Variants in MCTP1 observed in about 807,000 individuals in gnomAD.
MCTP1 encodes multiple C2 and transmembrane domain-containing protein 1.
MCTP1 carries 69 observed loss-of-function variants against 120.6 expected under a neutral mutation model. The ratio of observed to expected loss-of-function variants is 0.57; its 90% CI spans 0.47 to 0.70. The LOEUF is 0.70. Ranked by LOEUF, MCTP1 falls within the 30% of genes least tolerant of loss-of-function variation. The pLI is 0.00. For synonymous variants in MCTP1, 529 were observed against 493.1 expected, an observed-to-expected ratio of 1.07 and a Z score of -0.96; for missense variants, 1,203 against 1,248.8, an observed-to-expected ratio of 0.96 and a Z score of 0.55.
chr5:94,777,400 C>A (rs1580633175), intron 19 of MCTP1, among the ~76,000 whole-genome samples: 1 of 152,116 alleles, frequency 6.6e-6, no homozygotes, highest in African/African-American at 2.4e-5. Context: ...AACATCCTCT[C>A]CATTAAAAAT....
chr5:95,012,917 T>C (rs1458888972), intron 2 of MCTP1, among the ~76,000 whole-genome samples: 3 of 152,072 alleles, frequency 2.0e-5, no homozygotes, highest in African/African-American at 7.2e-5. Context: ...AAGCTAGAAA[T>C]GATTAAACTT....
chr5:95,049,928 A>C (rs1198842847), intron 1 of MCTP1, among the ~76,000 whole-genome samples: 1 of 152,178 alleles, frequency 6.6e-6, no homozygotes, highest in Non-Finnish European at 1.5e-5. Context: ...AAAAATACTC[A>C]AGATCAAAAT....
At chr5:95,055,652 A>T (rs1366804810) in intron 1 of MCTP1, among the ~76,000 whole-genome samples, 1 of 152,138 alleles carries the variant, frequency 6.6e-6, no homozygotes, top group Non-Finnish European at 1.5e-5. Flanking sequence ...TGCTCCTAAG[A>T]AGTAATGTGG....
At position 95,101,842 on chromosome 5, in the gene MCTP1, A is replaced by G. The variant is rs73776186; in HGVS notation, c.721-84358T>C. ...AACTAAGGAAACTCCTTTCAAAGAC[A>G]AAATAAAGAGCTTCAGTGCTTTCCA... is the stretch of plus-strand genomic sequence containing the variant. On this transcript the variant is annotated intron_variant, in intron 1 of 22. Transcript: ENST00000515393. Among the ~76,000 whole-genome samples, 1,182 of 152,332 alleles carry G rather than the reference A, an allele frequency of 7.8e-3. 15 individuals are homozygous for G. Among genetic ancestry groups the G allele is most frequent in the African/African-American group, 0.027 (1,138 of 41,578 alleles).
At chr5:95,018,473 A>G (rs1296194022) in intron 1 of MCTP1, among the ~76,000 whole-genome samples, 1 of 151,188 alleles carries the variant, frequency 6.6e-6, no homozygotes, top group Non-Finnish European at 1.5e-5. Context: ...TATATAATTC[A>G]CATACCCTAC....
chr5:94,733,288 G>A (rs557409891), intron 19 of MCTP1, among the ~76,000 whole-genome samples: 145 of 152,276 alleles, frequency 9.5e-4, no homozygotes, highest in Admixed American at 1.9e-3. Flanking sequence ...GCTAGAAGGT[G>A]GACATCAAAA....
chr5:94,901,880 T>C (rs955676397), intron 10 of MCTP1, among the ~76,000 whole-genome samples: 19 of 152,174 alleles, frequency 1.2e-4, no homozygotes, highest in Non-Finnish European at 4.4e-5. Context: ...TTAGAACTAT[T>C]TGCAATTATT....
At chr5:94,970,421 A>G (rs1826550715) in intron 2 of MCTP1, among the ~76,000 whole-genome samples, 1 of 152,062 alleles carries the variant, frequency 6.6e-6, no homozygotes, top group South Asian at 2.1e-4. Context: ...TCTGACATAA[A>G]CAGCAGGTGG....
chr5:94,865,458 A>T (rs1474131986), intron 17 of MCTP1, among the ~76,000 whole-genome samples: 3 of 151,784 alleles, frequency 2.0e-5, no homozygotes, highest in African/African-American at 4.8e-5. Context: ...TGGCATTTAT[A>T]AAAAAGTGGG....
At chr5:95,096,492 TA>T (rs1756276128) in intron 1 of MCTP1, among the ~76,000 whole-genome samples, 2 of 151,882 alleles carry the variant, frequency 1.3e-5, no homozygotes, top group Admixed American at 1.3e-4. Flanking sequence ...GGCTGAGTCT[TA>T]AAAGTAGTGA....
intron 2 of MCTP1, among the ~76,000 whole-genome samples, chr5:94,998,840 T>G (rs1833104073): frequency 1.3e-5 from 2 of 152,190 alleles, no homozygotes; most frequent in African/African-American, 4.8e-5. Context: ...TGCTTGACTT[T>G]CTCCATAAAT....
chr5:95,070,269 A>G (rs1306060525), intron 1 of MCTP1, among the ~76,000 whole-genome samples: 2 of 152,240 alleles, frequency 1.3e-5, no homozygotes, highest in Non-Finnish European at 2.9e-5. Flanking sequence ...CTGAGGAAGG[A>G]GCAGGAGCTG....
At chr5:95,056,680 C>T (rs1041803973) in intron 1 of MCTP1, among the ~76,000 whole-genome samples, 1 of 152,104 alleles carries the variant, frequency 6.6e-6, no homozygotes, top group African/African-American at 2.4e-5. Context: ...TGTGGAATAG[C>T]GGACTCACTG....
chr5:95,246,217 A>G (rs1009463246), intron 1 of MCTP1, among the ~76,000 whole-genome samples: 1 of 152,234 alleles, frequency 6.6e-6, no homozygotes, highest in Admixed American at 6.5e-5. Flanking sequence ...CAGCCACTGC[A>G]AAAACATGCC....
At chr5:95,122,585 T>C (rs955169288) in intron 1 of MCTP1, among the ~76,000 whole-genome samples, 1 of 152,156 alleles carries the variant, frequency 6.6e-6, no homozygotes, top group African/African-American at 2.4e-5. Flanking sequence ...ATAAACAGCC[T>C]GGAGGTTCCT....
intron 1 of MCTP1, among the ~76,000 whole-genome samples, chr5:95,039,311 T>A (rs1423348947): frequency 6.6e-6 from 1 of 152,204 alleles, no homozygotes; most frequent in Non-Finnish European, 1.5e-5. Flanking sequence ...GGACAGTTGT[T>A]GGAAGTGGTT....
intron 1 of MCTP1, among the ~76,000 whole-genome samples, chr5:95,248,699 C>T (rs1269523962): frequency 6.6e-6 from 1 of 152,108 alleles, no homozygotes; most frequent in African/African-American, 2.4e-5. Flanking sequence ...CAAAAAAGAG[C>T]CCACATAACC....
chr5:94,718,655 T>C lies in MCTP1; in HGVS notation c.2611-3769A>G, dbSNP rs557839646. Among the ~76,000 whole-genome samples, 14 of 152,144 alleles carry C rather than the reference T, an allele frequency of 9.2e-5. No homozygotes were observed. In the East Asian group the frequency reaches 2.7e-3, roughly 29 times the overall value. On this transcript the variant is annotated intron_variant, in intron 19 of 22. Transcript: ENST00000515393. ...ATCCAGAATCTACAAGAACTTAAATTTACAAGAAAAAAATCATTAAAAAGT... is the reference window on the plus strand; with the variant it reads ...ATCCAGAATCTACAAGAACTTAAATCTACAAGAAAAAAATCATTAAAAAGT...
At chr5:95,193,607 G>C (rs1246508375) in intron 1 of MCTP1, among the ~76,000 whole-genome samples, 1 of 152,076 alleles carries the variant, frequency 6.6e-6, no homozygotes, top group African/African-American at 2.4e-5. Context: ...CATTTGTATG[G>C]AGCACTGTTC....
Sources: allele counts gnomAD v4.1 joint callset (sites outside exome capture counted in the v4.1 genomes callset), GRCh38; gene constraint gnomAD v4.1.1; transcripts MANE v1.5; gene names NCBI Gene and HGNC (gene_info 2026-07-23, HGNC 2026-07-21).